Variants in LRRIQ1 observed in about 807,000 individuals in gnomAD.
LRRIQ1 encodes the protein leucine-rich repeat- and IQ domain-containing protein 1.
LRRIQ1 carries 210 observed loss-of-function variants against 211.9 expected under a neutral mutation model. The observed-to-expected ratio is 0.99, with a 90% CI of 0.89 to 1.11. The LOEUF is 1.11. LRRIQ1 is among the 50% of genes most tolerant of loss of function. LRRIQ1 has a pLI of 0.00. For missense variants in LRRIQ1, 2,136 were observed against 1,939.5 expected (o/e 1.10, Z -1.90); for synonymous variants, 699 against 650.1 (o/e 1.08, Z -1.14).
downstream of LRRIQ1, among the ~76,000 whole-genome samples, chr12:85,267,451 G>A (rs1296673588): frequency 4.6e-5 from 7 of 151,970 alleles, no homozygotes. Flanking sequence ...ACATCTATAA[G>A]TATGTAGCTA....
chr12:85,047,168 A>C (rs1460671055), intron 5 of LRRIQ1, 79 bp from the exon 6 acceptor site: 1 of 984,994 alleles, frequency 1.0e-6, no homozygotes, highest in East Asian at 2.6e-5. Flanking sequence ...AAAATTAAAA[A>C]AATTACTTTT....
chr12:85,094,052 A>C (rs143932273), intron 11 of LRRIQ1, among the ~76,000 whole-genome samples: 7 of 152,200 alleles, frequency 4.6e-5, no homozygotes, highest in Non-Finnish European at 8.8e-5. Context: ...GACAACTTCA[A>C]ATCTCCATAC....
chr12:85,157,020 A>T (rs1265662484), intron 23 of LRRIQ1, among the ~76,000 whole-genome samples: 1 of 151,890 alleles, frequency 6.6e-6, no homozygotes, highest in Non-Finnish European at 1.5e-5. Context: ...TATTTTGTAC[A>T]TGTTTTTATC....
Position 85,232,738 on chromosome 12 carries a change from T to TTAA in LRRIQ1, c.4998_4999insTAA (p.Gly1666_Gly1667insTer). 1.9e-6 allele frequency: 3 copies of TTAA among 1,612,752 alleles called. No homozygotes were observed. Among genetic ancestry groups the TTAA allele is most frequent in the Non-Finnish European group, 8.5e-7 (1 of 1,179,152 alleles). ...AGTTAGATCCAGATGTACTTAATGG[T>TTAA]GGAAGAGTTCAGCTTGTGGTAAGAA... is the stretch of plus-strand genomic sequence containing the variant. On this transcript the variant is annotated stop_gained and inframe_insertion, in exon 26 of 27. Coordinates refer to ENST00000393217, the MANE Select transcript of LRRIQ1 (RefSeq NM_001079910.2). LOFTEE classifies it high-confidence loss of function.
intron 24 of LRRIQ1, among the ~76,000 whole-genome samples, chr12:85,204,344 G>C (rs1592967069): frequency 6.6e-6 from 1 of 152,218 alleles, no homozygotes; most frequent in African/African-American, 2.4e-5. Context: ...TGTGAGGTCA[G>C]AGTCCCCACA....
chr12:85,103,712 G>C (rs1398673185), intron 13 of LRRIQ1, among the ~76,000 whole-genome samples: 1 of 151,600 alleles, frequency 6.6e-6, no homozygotes, highest in East Asian at 1.9e-4. Flanking sequence ...GAATACACAT[G>C]AAAATCCATG....
At chr12:85,181,519 A>G (rs1891980994) in intron 24 of LRRIQ1, among the ~76,000 whole-genome samples, 1 of 151,974 alleles carries the variant, frequency 6.6e-6, no homozygotes, top group South Asian at 2.1e-4. Context: ...TTTAAAGAGA[A>G]ATGATTATAT....
rs201973246 is a variant in LRRIQ1 at position 85,124,336 on chromosome 12, C to T, written c.3824C>T (p.Ser1275Phe). The T allele has an allele frequency of 6.2e-7, 1 of 1,614,070 alleles. No individual in the cohort carries two copies. Among genetic ancestry groups the T allele is most frequent in the East Asian group, 2.2e-5 (1 of 44,856 alleles). ...TGGATGGACTCTGTCTCCAGCCACT[C>T]CCCATTAAGCAAATCCGCCACATGT... ...EKWMDSVSSH[S>F]PLSKSATCEN... Residue 1275 changes from serine (S) to phenylalanine (F), a missense_variant, in exon 17 of 27, where the codon TCC becomes TTC. Coordinates refer to ENST00000393217, the MANE Select transcript of LRRIQ1 (RefSeq NM_001079910.2).
At position 85,137,987 on chromosome 12, in the gene LRRIQ1, T is replaced by G. The variant is rs1376110581; in HGVS notation, c.4329+18T>G. The G allele has an allele frequency of 8.7e-6, 11 of 1,261,856 alleles. No individual in the cohort carries two copies. The highest frequency in any genetic ancestry group is 2.0e-4 in the Middle Eastern group (1 of 4,944). The allele number at this position is 1,261,856 out of a possible 1,614,324, so 78.2% of individuals were successfully genotyped here. On this transcript the variant is annotated intron_variant, in intron 19 of 26. Transcript: ENST00000393217. ...TTGATGAAGTAAGTACGAACTATAG[T>G]ATATAAATATTGGTCTTAAAATACA... is the stretch of plus-strand genomic sequence containing the variant.
chr12:85,192,464 AT>A (rs1339551691), intron 24 of LRRIQ1, among the ~76,000 whole-genome samples: 1 of 114,062 alleles, frequency 8.8e-6, no homozygotes, highest in African/African-American at 3.4e-5. Context: ...ATATAATATA[AT>A]TATATATAAA....
In LRRIQ1 at chr12:85,245,080, CAAAATT is replaced by C; in HGVS notation, c.*143_*148del. 1 of 1,293,064 alleles carries C rather than the reference CAAAATT, an allele frequency of 7.7e-7. No homozygotes were observed. Among genetic ancestry groups the C allele is most frequent in the Non-Finnish European group, 1.0e-6 (1 of 981,184 alleles). The allele number at this position is 1,293,064 out of a possible 1,614,324, so 80.1% of individuals were successfully genotyped here. ...TTTAAATATCCTCTTTTGATATAAA[CAAAATT>C]AAATTATTTCTAAAATTAACTGCAT... On this transcript the variant is annotated 3_prime_UTR_variant, in exon 27 of 27. Transcript: ENST00000393217.
intron 15 of LRRIQ1, among the ~76,000 whole-genome samples, chr12:85,118,821 T>C (rs1887771138): frequency 6.6e-6 from 1 of 152,170 alleles, no homozygotes; most frequent in Non-Finnish European, 1.5e-5. Context: ...ATTCTTCATT[T>C]AGTGTTTAGG....
intron 13 of LRRIQ1, among the ~76,000 whole-genome samples, chr12:85,102,099 A>AT (rs1886391881): frequency 6.6e-6 from 1 of 151,634 alleles, no homozygotes; most frequent in African/African-American, 2.4e-5. Context: ...TAATAAGTAC[A>AT]TTTATTAAAA....
intron 11 of LRRIQ1, among the ~76,000 whole-genome samples, chr12:85,076,040 A>G (rs533044260): frequency 6.6e-6 from 1 of 152,094 alleles, no homozygotes; most frequent in Non-Finnish European, 1.5e-5. Context: ...AAATAAATAT[A>G]CATTTCATAA....
chr12:85,143,563 C>T (rs944889749), intron 19 of LRRIQ1, among the ~76,000 whole-genome samples: 10 of 151,440 alleles, frequency 6.6e-5, no homozygotes, highest in African/African-American at 2.4e-4. Context: ...ATGGAGTGTT[C>T]GTGGTTTAAT....
intron 24 of LRRIQ1, among the ~76,000 whole-genome samples, chr12:85,196,909 A>C (rs1362031880): frequency 6.6e-6 from 1 of 152,138 alleles, no homozygotes; most frequent in African/African-American, 2.4e-5. Context: ...AATGGGAGAA[A>C]ATTTTTGCAA....
chr12:85,046,662 A>G (rs1879624350), intron 5 of LRRIQ1, among the ~76,000 whole-genome samples: 1 of 152,208 alleles, frequency 6.6e-6, no homozygotes, highest in African/African-American at 2.4e-5. Flanking sequence ...GTATATACCC[A>G]AAGGATTATA....
intron 8 of LRRIQ1, among the ~76,000 whole-genome samples, chr12:85,061,654 T>C (rs1410693553): frequency 6.6e-6 from 1 of 151,812 alleles, no homozygotes; most frequent in Non-Finnish European, 1.5e-5. Context: ...CAGCTGTAAT[T>C]GTTGAATTTT....
At chr12:85,198,093 ATATAT>A (rs1565898834) in intron 24 of LRRIQ1, among the ~76,000 whole-genome samples, 3 of 116,276 alleles carry the variant, frequency 2.6e-5, no homozygotes, top group South Asian at 4.5e-4. Flanking sequence ...TTATTATATT[ATATAT>A]TATATTATTT....
Sources: gnomAD v4.1 joint callset for allele counts (sites outside exome capture counted in the v4.1 genomes callset) on GRCh38, gnomAD v4.1.1 for gene constraint, MANE v1.5 for transcripts, NCBI Gene and HGNC (gene_info 2026-07-23, HGNC 2026-07-21) for gene names.